TYRP1: variants seen among roughly 807,000 people sequenced by gnomAD.
The protein encoded by TYRP1 is 5,6-dihydroxyindole-2-carboxylic acid oxidase.
Under a neutral mutation model 42.8 loss-of-function variants are expected in TYRP1, and 49 were observed. The ratio of observed to expected loss-of-function variants is 1.14; its 90% CI spans 0.91 to 1.45. The LOEUF (loss-of-function observed/expected upper bound fraction) is 1.45, where lower values mean the gene tolerates loss of function less well. Ranked by LOEUF, TYRP1 falls within the 40% of genes most tolerant of loss-of-function variation. The probability of loss-of-function intolerance (pLI) is 0.00; values close to 1 mark genes in which losing one functional copy is unlikely to be tolerated. For synonymous variants in TYRP1, 279 were observed against 235.4 expected, an observed-to-expected ratio of 1.19 and a Z score of -1.69; for missense variants, 848 against 662.0, an observed-to-expected ratio of 1.28 and a Z score of -3.08.
intron 3 of TYRP1, 64 bp from the exon 4 acceptor site, chr9:12,698,387 A>C (rs548998763): frequency 6.7e-7 from 1 of 1,486,572 alleles, no homozygotes; most frequent in African/African-American, 1.4e-5. Context: ...CAGAGAGTAG[A>C]CCAAACAGAA....
intron 4 of TYRP1, 114 bp downstream of exon 4, chr9:12,698,769 A>T (rs921521704): frequency 1.0e-6 from 1 of 1,003,650 alleles, no homozygotes; most frequent in Admixed American, 2.0e-5. Context: ...ATCTACTTTT[A>T]TTATAGAGTA....
chr9:12,708,466 G>A (rs1818297566), intron 7 of TYRP1, among the ~76,000 whole-genome samples: 1 of 151,944 alleles, frequency 6.6e-6, no homozygotes, highest in Non-Finnish European at 1.5e-5. Flanking sequence ...TCTAATGAGG[G>A]AAGAGAATGA....
rs866929021 is a variant in TYRP1 at position 12,708,988 on chromosome 9, A to AG, written c.1421dup (p.Ser474ArgfsTer4). ...TCCTTTCCAAATAGGTCGGGAGTTT[A>AG]GTGTACCTGAGATAATTGCCATAGC... On this transcript the variant is annotated frameshift_variant, in exon 8 of 8. Coordinates refer to ENST00000388918, the MANE Select transcript of TYRP1 (RefSeq NM_000550.3). LOFTEE classifies it low-confidence loss of function (END_TRUNC). 1 of 1,612,330 alleles carries AG rather than the reference A, an allele frequency of 6.2e-7. No homozygotes were observed. Among genetic ancestry groups the AG allele is most frequent in the African/African-American group, 1.3e-5 (1 of 74,920 alleles).
intron 2 of TYRP1, among the ~76,000 whole-genome samples, chr9:12,695,020 G>A (rs1349623710): frequency 6.6e-6 from 1 of 152,130 alleles, no homozygotes; most frequent in Non-Finnish European, 1.5e-5. Context: ...TGCTTTTTAT[G>A]TGTGTGGTCT....
In TYRP1 at chr9:12,709,948, A is replaced by C. The variant is rs1375148752; in HGVS notation, c.*766A>C. ...ACTAATGTCTCTTCTAACATCTTAG[A>C]GGTCCATGGAGAAGGCATATGGAGA... On this transcript the variant is annotated 3_prime_UTR_variant, in exon 8 of 8. Transcript: ENST00000388918. The C allele has an allele frequency of 1.3e-5, 2 of 152,170 alleles. No homozygotes were observed. Among genetic ancestry groups the C allele is most frequent in the Admixed American group, 1.3e-4 (2 of 15,190 alleles). 9.4% of individuals were successfully genotyped at this position (152,170 alleles called of 1,614,324 possible). A position where few individuals can be genotyped will look rare whatever the true frequency, so the allele number is the denominator to read the frequency against.
chr9:12,709,157 A>C lies in TYRP1; in HGVS notation c.1589A>C (p.Gln530Pro), dbSNP rs41305645. ...QCYAEEYEKL[Q>P]NPNQSVV is the part of the protein sequence containing the mutation. ...TATGCTGAAGAATATGAAAAACTCC[A>C]GAATCCTAATCAGTCTGTGGTCTAA... The change falls in exon 8 of 8, where the codon CAG becomes CCG. Residue 530 changes from glutamine to proline, a missense_variant. Physicochemically the swap from Gln to Pro is moderately conservative, Grantham distance 76. Transcript: ENST00000388918. The C allele has an allele frequency of 6.2e-7, 1 of 1,612,510 alleles. No homozygotes were observed. The highest frequency in any genetic ancestry group is 2.2e-5 in the East Asian group (1 of 44,814).
At position 12,694,055 on chromosome 9, in the gene TYRP1, A is replaced by C; in HGVS notation, c.59A>C (p.Gln20Pro). ...ATCTTCTTCCCCTTGCTACTTTTTC[A>C]GCAGGCCCGGGCTCAATTCCCAAGA... is the stretch of plus-strand genomic sequence containing the variant. ...GCIFFPLLLF[Q>P]QARAQFPRQC... The change falls in exon 2 of 8, where the codon CAG becomes CCG. Residue 20 changes from glutamine (Q) to proline (P), a missense_variant. Physicochemically the swap from Gln to Pro is moderately conservative, Grantham distance 76 (BLOSUM62 -1). Transcript: ENST00000388918. The C allele has an allele frequency of 6.2e-7, 1 of 1,613,874 alleles. No individual in the cohort carries two copies. The highest frequency in any genetic ancestry group is 8.5e-7 in the Non-Finnish European group (1 of 1,179,968).
intron 4 of TYRP1, chr9:12,700,133 T>G (rs1818142652): frequency 6.6e-6 from 1 of 152,060 alleles, no homozygotes; most frequent in Non-Finnish European, 1.5e-5. Flanking sequence ...TGAACATATA[T>G]TATGTATCTG....
rs1210081245 is a variant in TYRP1 at position 12,695,830 on chromosome 9, A to T, written c.701A>T (p.Asp234Val). The T allele has an allele frequency of 6.2e-7, 1 of 1,614,072 alleles. No homozygotes were observed. The highest frequency in any genetic ancestry group is 8.5e-7 in the Non-Finnish European group (1 of 1,180,002). The change falls in exon 3 of 8, where the codon GAC (aspartate) becomes GTC (valine). Residue 234 changes from aspartate (D) to valine (V), a missense_variant. By Grantham distance (152) the Asp-to-Val change is radical (BLOSUM62 -3). Coordinates refer to ENST00000388918, the MANE Select transcript of TYRP1 (RefSeq NM_000550.3). ...HRYHLLRLEK[D>V]MQEMLQEPSF... ...TACCACCTCCTGCGTCTGGAGAAAG[A>T]CATGCAGGTATGTAAGAAGCATTTC...
rs1390842833 is a variant in TYRP1, at chr9:12,704,506, C to T, written c.1082-20C>T. On this transcript the variant is annotated intron_variant, in intron 5 of 7. Coordinates refer to ENST00000388918, the MANE Select transcript of TYRP1 (RefSeq NM_000550.3). ...ATATTTGCAATAGTTTTACTATTCT[C>T]CTCCTTACCATGTGTCTAGGTTACA... The T allele has an allele frequency of 3.7e-6, 6 of 1,607,342 alleles. No homozygotes were observed. Among genetic ancestry groups the T allele is most frequent in the Middle Eastern group, 1.8e-4 (1 of 5,494 alleles).
At chr9:12,695,483 T>A (rs560560008) in intron 2 of TYRP1, 32 bp from the exon 3 acceptor site, 1 of 1,607,770 alleles carries the variant, frequency 6.2e-7, no homozygotes, top group African/African-American at 1.3e-5. Flanking sequence ...GCAAGGCAGA[T>A]GTTTTCATGC....
chr9:12,709,194 C>T lies in TYRP1; in HGVS notation c.*12C>T. ...AGTCTGTGGTCTAACAAATGCCCTA[C>T]TCTCTTATGCATTAGTATCACAAAA... On this transcript the variant is annotated 3_prime_UTR_variant, in exon 8 of 8. Coordinates refer to ENST00000388918, the MANE Select transcript of TYRP1 (RefSeq NM_000550.3). The T allele has an allele frequency of 6.2e-7, 1 of 1,610,450 alleles. No homozygotes were observed. The highest frequency in any genetic ancestry group is 8.5e-7 in the Non-Finnish European group (1 of 1,177,234).
chr9:12,709,222 A>C lies in TYRP1; in HGVS notation c.*40A>C, dbSNP rs761340405. 2 of 1,562,456 alleles carry C rather than the reference A, an allele frequency of 1.3e-6. No individual in the cohort carries two copies. The highest frequency in any genetic ancestry group is 1.8e-6 in the Non-Finnish European group (2 of 1,134,316). On this transcript the variant is annotated 3_prime_UTR_variant, in exon 8 of 8. Coordinates refer to ENST00000388918, the MANE Select transcript of TYRP1 (RefSeq NM_000550.3). ...TCTTATGCATTAGTATCACAAAACC[A>C]CCTGGTTGAATATAATAGATTGAGT...
chr9:12,698,178 G>T (rs1359128976), intron 3 of TYRP1, among the ~76,000 whole-genome samples: 1 of 152,034 alleles, frequency 6.6e-6, no homozygotes, highest in African/African-American at 2.4e-5. Flanking sequence ...AGAAAAAGAA[G>T]ACCCTTTATC....
At chr9:12,708,444 C>T (rs778690989) in intron 7 of TYRP1, among the ~76,000 whole-genome samples, 41 of 151,910 alleles carry the variant, frequency 2.7e-4, no homozygotes, top group South Asian at 2.1e-4. Flanking sequence ...TTAACTGTTA[C>T]AGATTCACAT....
At chr9:12,698,355 A>G in intron 3 of TYRP1, 96 bp from the exon 4 acceptor site, 1 of 1,201,880 alleles carries the variant, frequency 8.3e-7, no homozygotes, top group South Asian at 1.3e-5. Flanking sequence ...TTGTCTGAAG[A>G]GAGCTAATAG....
chr9:12,695,385 G>A (rs1349174781), intron 2 of TYRP1, 130 bp from the exon 3 acceptor site: 1 of 829,714 alleles, frequency 1.2e-6, no homozygotes. Context: ...TTTTAAAAGT[G>A]TAAAATAATT....
intron 7 of TYRP1, among the ~76,000 whole-genome samples, chr9:12,708,642 G>T (rs1818301345): frequency 6.6e-6 from 1 of 151,952 alleles, no homozygotes; most frequent in Non-Finnish European, 1.5e-5. Context: ...AAAGGCAGTA[G>T]GGCATAGTGG....
chr9:12,694,273 C>A lies in TYRP1; in HGVS notation c.277C>A (p.Arg93Ser). The A allele has an allele frequency of 1.5e-5, 24 of 1,613,768 alleles. No individual in the cohort carries two copies. Among genetic ancestry groups the A allele is most frequent in the Non-Finnish European group, 1.9e-5 (23 of 1,179,908 alleles). Residue 93 changes from arginine to serine, a missense_variant, in exon 2 of 8, where the codon CGC becomes AGC. Physicochemically the swap from Arg to Ser is moderately radical, Grantham distance 110. Transcript: ENST00000388918. The stretch of plus-strand genomic sequence containing the variant: ...AGATGATCGGGAGGTCTGGCCCTTG[C>A]GCTTCTTCAATAGGACATGTCACTG... ...GRDDREVWPL[R>S]FFNRTCHCNG...
Sources: gnomAD v4.1 joint callset for allele counts (sites outside exome capture counted in the v4.1 genomes callset) on GRCh38, gnomAD v4.1.1 for gene constraint, MANE v1.5 for transcripts, NCBI Gene and HGNC (gene_info 2026-07-23, HGNC 2026-07-21) for gene names.